The following ATP11B variants were observed in gnomAD, a reference collection of about 807,000 sequenced individuals.
ATP11B encodes ATPase phospholipid transporting 11B (putative), also known as phospholipid-transporting ATPase IF.
Under a neutral mutation model 157.8 loss-of-function variants are expected in ATP11B, and 81 were observed. The ratio of observed to expected loss-of-function variants is 0.51; its 90% confidence interval spans 0.43 to 0.62. ATP11B has a LOEUF of 0.62. Ranked by LOEUF, ATP11B falls within the 20% of genes least tolerant of loss-of-function variation. ATP11B has a pLI of 0.00. For synonymous variants in ATP11B, 451 were observed against 469.4 expected (o/e 0.96, Z 0.51); for missense variants, 1,165 against 1,402.2 (o/e 0.83, Z 2.70).
chr3:182,874,265 C>T (rs1721871648), intron 19 of ATP11B, among the ~76,000 whole-genome samples: 1 of 152,182 alleles, frequency 6.6e-6, no homozygotes, highest in Non-Finnish European at 1.5e-5. Context: ...TTACATATTA[C>T]CAATGAGTGC....
intron 24 of ATP11B, among the ~76,000 whole-genome samples, chr3:182,888,755 C>T (rs1423378674): frequency 6.6e-6 from 1 of 151,700 alleles, no homozygotes; most frequent in Non-Finnish European, 1.5e-5. Flanking sequence ...GCCATGTTGC[C>T]CTGGCTGGCT....
intron 1 of ATP11B, among the ~76,000 whole-genome samples, chr3:182,799,024 G>C (rs550957946): frequency 6.6e-6 from 1 of 152,146 alleles, no homozygotes; most frequent in African/African-American, 2.4e-5. Context: ...CCTGGCATAG[G>C]CAGATTCAAG....
At chr3:182,818,465 G>T (rs1398247762) in intron 1 of ATP11B, among the ~76,000 whole-genome samples, 1 of 152,152 alleles carries the variant, frequency 6.6e-6, no homozygotes, top group Non-Finnish European at 1.5e-5. Context: ...TACAAAGTGT[G>T]TTCATCACTA....
intron 28 of ATP11B, chr3:182,908,488 C>A (rs1362739460): frequency 2.6e-5 from 4 of 152,098 alleles, no homozygotes; most frequent in African/African-American, 9.7e-5. Flanking sequence ...AGCCACCGCA[C>A]CTGGCCCATA....
chr3:182,844,383 T>C (rs1272943353), intron 8 of ATP11B: 1 of 175,772 alleles, frequency 5.7e-6, no homozygotes, highest in East Asian at 1.9e-4. Flanking sequence ...GTTCAGATTC[T>C]GTTTGGTTTG....
intron 4 of ATP11B, among the ~76,000 whole-genome samples, chr3:182,834,124 T>C (rs945929633): frequency 5.9e-5 from 9 of 152,218 alleles, no homozygotes; most frequent in African/African-American, 2.2e-4. Flanking sequence ...TGCTCTGCTA[T>C]TAATGTCATC....
Position 182,918,265 on chromosome 3 carries a change from G to A in ATP11B, c.*161G>A. On this transcript the variant is annotated 3_prime_UTR_variant, in exon 30 of 30. Transcript: ENST00000323116. ...AATGGCAAACAAACAGAAAGCATTA[G>A]TACAAGCCCCTCCCAACACCCTTAA... The A allele has an allele frequency of 1.0e-6, 1 of 986,430 alleles. No homozygotes were observed. The allele number at this position is 986,430 out of a possible 1,614,324, so 61.1% of individuals were successfully genotyped here. A position where few individuals can be genotyped will look rare whatever the true frequency, so the allele number is the denominator to read the frequency against.
rs140229865 is a variant in ATP11B at position 182,910,658 on chromosome 3, T to C, written c.3319-3203T>C. On this transcript the variant is annotated intron_variant, in intron 28 of 29. Coordinates refer to ENST00000323116, the MANE Select transcript of ATP11B (RefSeq NM_014616.3). ...TCAGATCCAGACCAAGGCAGTGTCT[T>C]GCACATATATGGATACTCAAGCGCT... 6.1e-3 allele frequency among the ~76,000 whole-genome samples: 936 copies of C among 152,322 alleles called. 9 individuals carry two copies. The highest frequency in any genetic ancestry group is 0.021 in the African/African-American group (888 of 41,568).
At chr3:182,906,658 A>C (rs895664717) in intron 28 of ATP11B, among the ~76,000 whole-genome samples, 1 of 152,052 alleles carries the variant, frequency 6.6e-6, no homozygotes, top group East Asian at 1.9e-4. Flanking sequence ...GCCGTGTTGC[A>C]CACACTGGTC....
chr3:182,895,375 T>A (rs1310475328), intron 25 of ATP11B, among the ~76,000 whole-genome samples: 1 of 152,192 alleles, frequency 6.6e-6, no homozygotes, highest in East Asian at 1.9e-4. Context: ...TAATCATAAC[T>A]ATTATTTACT....
At chr3:182,872,247 G>A in intron 17 of ATP11B, 109 bp from the exon 18 acceptor site, 1 of 721,118 alleles carries the variant, frequency 1.4e-6, no homozygotes, top group Non-Finnish European at 2.3e-6. Context: ...AATGATTTGT[G>A]ATTGACTTTT....
chr3:182,894,041 G>T (rs1723352216), intron 25 of ATP11B, among the ~76,000 whole-genome samples: 1 of 152,008 alleles, frequency 6.6e-6, no homozygotes, highest in African/African-American at 2.4e-5. Flanking sequence ...TCTTTTTCTT[G>T]CTGATCCGTT....
At chr3:182,881,613 A>G (rs1332615705) in intron 21 of ATP11B, among the ~76,000 whole-genome samples, 1 of 151,720 alleles carries the variant, frequency 6.6e-6, no homozygotes, top group African/African-American at 2.4e-5. Context: ...TTAGTTTCAG[A>G]TTTTAAAGGA....
chr3:182,812,237 G>C (rs1716714593), intron 1 of ATP11B, among the ~76,000 whole-genome samples: 1 of 152,164 alleles, frequency 6.6e-6, no homozygotes, highest in Non-Finnish European at 1.5e-5. Context: ...TTGCAGAGTT[G>C]TAGCCAGCTG....
At chr3:182,877,611 C>T (rs1290029811) in intron 19 of ATP11B, among the ~76,000 whole-genome samples, 1 of 152,084 alleles carries the variant, frequency 6.6e-6, no homozygotes, top group Admixed American at 6.5e-5. Context: ...CACTGCACTC[C>T]AGCCTGGGTG....
At chr3:182,830,854 G>A (rs1386567949) in intron 4 of ATP11B, among the ~76,000 whole-genome samples, 1 of 152,130 alleles carries the variant, frequency 6.6e-6, no homozygotes, top group Non-Finnish European at 1.5e-5. Flanking sequence ...TAAAATGTGT[G>A]TATATCAGTC....
chr3:182,828,586 T>TAC (rs1224722709), intron 3 of ATP11B, among the ~76,000 whole-genome samples: 9 of 152,054 alleles, frequency 5.9e-5, no homozygotes, highest in Non-Finnish European at 1.3e-4. Flanking sequence ...TTGTACAAAG[T>TAC]AAACTTTTCT....
intron 29 of ATP11B, 81 bp downstream of exon 29, chr3:182,914,075 A>G (rs1307909052): frequency 1.3e-6 from 2 of 1,568,174 alleles, no homozygotes; most frequent in Non-Finnish European, 1.7e-6. Context: ...CTAGATACCT[A>G]ATAAATCAGC....
chr3:182,883,954 C>CAAAAAAAAAA, intron 21 of ATP11B, among the ~76,000 whole-genome samples: 1 of 63,404 alleles, frequency 1.6e-5, no homozygotes, highest in South Asian at 6.8e-4. Flanking sequence ...GACTCCGTCT[C>CAAAAAAAAAA]AAAAAAAAAA....
Sources: gnomAD v4.1 joint callset for allele counts (sites outside exome capture counted in the v4.1 genomes callset) on GRCh38, gnomAD v4.1.1 for gene constraint, MANE v1.5 for transcripts, NCBI Gene and HGNC (gene_info 2026-07-23, HGNC 2026-07-21) for gene names.